SLC35F2: variants seen among roughly 807,000 people sequenced by gnomAD.
SLC35F2 encodes the protein solute carrier family 35 member F2.
A neutral mutation model predicts 38.1 loss-of-function variants in SLC35F2; 25 were observed. The observed-to-expected ratio is 0.66, with a 90% CI of 0.48 to 0.92. The LOEUF (loss-of-function observed/expected upper bound fraction) is 0.92. Ranked by LOEUF, SLC35F2 falls within the 40% of genes least tolerant of loss-of-function variation. The pLI is 0.00. For missense variants in SLC35F2, 409 were observed against 452.9 expected (o/e 0.90, Z 0.88); for synonymous variants, 173 against 181.7 (o/e 0.95, Z 0.38).
At chr11:107,807,715 A>C (rs1859420987) in intron 3 of SLC35F2, among the ~76,000 whole-genome samples, 1 of 152,024 alleles carries the variant, frequency 6.6e-6, no homozygotes, top group South Asian at 2.1e-4. Flanking sequence ...CTGGGATTAC[A>C]GCCATCTGCC....
intron 1 of SLC35F2, among the ~76,000 whole-genome samples, chr11:107,817,268 G>A (rs1186166153): frequency 2.0e-5 from 3 of 150,400 alleles, no homozygotes; most frequent in Non-Finnish European, 3.0e-5. Flanking sequence ...AGAATGAGAC[G>A]ACAAAAGGAA....
chr11:107,800,341 C>T (rs1859288112), intron 7 of SLC35F2, among the ~76,000 whole-genome samples: 2 of 152,094 alleles, frequency 1.3e-5, no homozygotes, highest in African/African-American at 4.8e-5. Flanking sequence ...GCAGAAATTT[C>T]TGAGAATCCA....
chr11:107,841,536 C>G (rs1358638354), intron 1 of SLC35F2, among the ~76,000 whole-genome samples: 1 of 141,858 alleles, frequency 7.0e-6, no homozygotes, highest in Non-Finnish European at 1.5e-5. Flanking sequence ...GCACTCCAGC[C>G]TAGACGAAAG....
In SLC35F2 at chr11:107,801,638, A is replaced by AC. The variant is rs141826155; in HGVS notation, c.939+1362_939+1363insG. Reference sequence around the variant, plus strand: ...AGCAAGCCCTGGATCTAAGAAAAAAAAAAAAATAGATGAGAACTGCTAAAC... The same window carrying AC: ...AGCAAGCCCTGGATCTAAGAAAAAAACAAAAAATAGATGAGAACTGCTAAAC... On this transcript the variant is annotated intron_variant, in intron 7 of 7. Transcript: ENST00000525815. 5.7e-4 allele frequency among the ~76,000 whole-genome samples: 87 copies of AC among 152,124 alleles called. No individual in the cohort carries two copies. The East Asian group carries it at 0.014, about 24-fold the overall frequency.
At position 107,803,100 on chromosome 11, in the gene SLC35F2, T is replaced by C; in HGVS notation, c.840A>G (p.Pro280=). Reference sequence around the variant, plus strand: ...TGGCACTAGTGACTTTAATCACCAATGGCATGAAGCTGTACAGGCAAAACA... The same window carrying C: ...TGGCACTAGTGACTTTAATCACCAACGGCATGAAGCTGTACAGGCAAAACA... The part of the protein sequence containing the change: ...LCMFCLYSFM[P]LVIKVTSATS... The change falls in exon 7 of 8, where the codon CCA becomes CCG. Residue 280 remains proline, a synonymous_variant. Coordinates refer to ENST00000525815, the MANE Select transcript of SLC35F2 (RefSeq NM_017515.5). 6.2e-7 allele frequency: 1 copy of C among 1,613,932 alleles called. No individual in the cohort carries two copies. The highest frequency in any genetic ancestry group is 8.5e-7 in the Non-Finnish European group (1 of 1,179,962).
intron 1 of SLC35F2, chr11:107,816,331 G>A: frequency 1.0e-6 from 1 of 973,140 alleles, no homozygotes; most frequent in Non-Finnish European, 1.2e-6. Context: ...GCTCAGGCTA[G>A]AGTGCAGTGG....
Position 107,803,148 on chromosome 11 carries a change from C to T in SLC35F2, c.792G>A (p.Leu264=). ...SIHWDWKIAL[L]FVAFALCMFC... ...ACATACACAGGGCAAATGCCACGAA[C>T]AGCAGGGCTGTGGAAAAAAACATGG... Residue 264 remains leucine (L), a synonymous_variant, in exon 7 of 8, where the codon CTG becomes CTA. Transcript: ENST00000525815. 1 of 1,600,986 alleles carries T rather than the reference C, an allele frequency of 6.2e-7. No homozygotes were observed. Among genetic ancestry groups the T allele is most frequent in the Non-Finnish European group, 8.5e-7 (1 of 1,176,094 alleles).
Position 107,824,263 on chromosome 11 carries a change from A to C in SLC35F2, c.111-8298T>G, listed in dbSNP as rs563396576. ...CTTTTTGCTCACTGGATGATGTCTT[A>C]CTCGGAATAGGTGCTCAGTAAATGT... On this transcript the variant is annotated intron_variant, in intron 1 of 7. Transcript: ENST00000525815. 1.2e-3 allele frequency among the ~76,000 whole-genome samples: 184 copies of C among 152,334 alleles called. 2 individuals carry two copies. The highest frequency in any genetic ancestry group is 2.1e-3 in the Admixed American group (32 of 15,294).
intron 1 of SLC35F2, among the ~76,000 whole-genome samples, chr11:107,828,114 A>G (rs1166295878): frequency 6.6e-6 from 1 of 152,182 alleles, no homozygotes; most frequent in Non-Finnish European, 1.5e-5. Context: ...AATGGACTGA[A>G]ACACCTCAAA....
chr11:107,837,170 T>G (rs575008), intron 1 of SLC35F2, among the ~76,000 whole-genome samples: 65,482 of 151,998 alleles, frequency 0.43, 14,407 homozygotes, highest in African/African-American at 0.53. Flanking sequence ...GGGGACACAT[T>G]AGTACTGTCC....
intron 7 of SLC35F2, among the ~76,000 whole-genome samples, chr11:107,795,042 T>C (rs1158891200): frequency 1.3e-5 from 2 of 152,064 alleles, no homozygotes; most frequent in African/African-American, 2.4e-5. Flanking sequence ...ATGAAAGAAA[T>C]TGAAGATGAC....
At chr11:107,815,685 T>TA in intron 2 of SLC35F2, 105 bp downstream of exon 2, 1 of 1,266,308 alleles carries the variant, frequency 7.9e-7, no homozygotes, top group South Asian at 1.5e-5. Context: ...GAATTGTGCA[T>TA]AAGTCTCCAG....
intron 1 of SLC35F2, among the ~76,000 whole-genome samples, chr11:107,824,173 T>C (rs964390391): frequency 2.0e-5 from 3 of 152,084 alleles, no homozygotes; most frequent in African/African-American, 7.3e-5. Context: ...AAAAAATAGA[T>C]AGTGTATTGG....
chr11:107,810,613 C>G (rs907465778), intron 3 of SLC35F2: 13 of 985,114 alleles, frequency 1.3e-5, no homozygotes, highest in Non-Finnish European at 2.4e-6. Context: ...CTTTTTGTGC[C>G]TCCTATAGTG....
intron 2 of SLC35F2, among the ~76,000 whole-genome samples, 182 bp downstream of exon 2, chr11:107,815,607 CT>C (rs1027788011): frequency 2.7e-5 from 4 of 149,896 alleles, no homozygotes; most frequent in East Asian, 2.0e-4. Context: ...AAAAAAAACA[CT>C]TTTTTTTTGG....
intron 1 of SLC35F2, among the ~76,000 whole-genome samples, chr11:107,858,158 G>T (rs1860325567): frequency 6.6e-6 from 1 of 152,292 alleles, no homozygotes; most frequent in Admixed American, 6.5e-5. Context: ...GCCGGCTCTG[G>T]TCTCCCACCC....
chr11:107,839,893 T>G (rs1159644414), intron 1 of SLC35F2, among the ~76,000 whole-genome samples: 1 of 152,168 alleles, frequency 6.6e-6, no homozygotes, highest in Admixed American at 6.5e-5. Context: ...CCTCAGGTGA[T>G]CCCCCTGCCT....
At chr11:107,798,176 G>A (rs963146623) in intron 7 of SLC35F2, among the ~76,000 whole-genome samples, 2 of 151,818 alleles carry the variant, frequency 1.3e-5, no homozygotes, top group African/African-American at 4.8e-5. Context: ...GCTAGTTTTT[G>A]TATTTTTAAT....
At chr11:107,807,172 C>T (rs983973780) in intron 3 of SLC35F2, among the ~76,000 whole-genome samples, 2 of 149,256 alleles carry the variant, frequency 1.3e-5, no homozygotes, top group Non-Finnish European at 3.0e-5. Context: ...CGGTGGCTCA[C>T]GCCTGTAATC....
Sources: gnomAD v4.1 joint callset for allele counts (sites outside exome capture counted in the v4.1 genomes callset) on GRCh38, gnomAD v4.1.1 for gene constraint, MANE v1.5 for transcripts, NCBI Gene and HGNC (gene_info 2026-07-23, HGNC 2026-07-21) for gene names.